The following PHF21B variants were observed in gnomAD, a reference collection of about 807,000 sequenced individuals.
PHF21B encodes the protein PHD finger protein 21B, also known as PHD finger protein 4.
A neutral mutation model predicts 62.2 loss-of-function variants in PHF21B; 22 were observed. That is an observed-to-expected ratio of 0.35 (90% CI 0.25 to 0.51). The LOEUF (loss-of-function observed/expected upper bound fraction) is 0.51. Among genes scored for constraint, PHF21B ranks in the 20% least tolerant of loss-of-function variants. PHF21B has a pLI of 0.97. For missense variants in PHF21B, 701 were observed against 707.9 expected (o/e 0.99, Z 0.11); for synonymous variants, 341 against 314.7 (o/e 1.08, Z -0.88).
intron 2 of PHF21B, among the ~76,000 whole-genome samples, chr22:44,941,111 G>A (rs950309440): frequency 6.6e-6 from 1 of 152,216 alleles, no homozygotes; most frequent in African/African-American, 2.4e-5. Flanking sequence ...TGCTGCGCGT[G>A]CTCACAATGA....
At chr22:44,893,069 C>T (rs1454861984) in intron 7 of PHF21B, among the ~76,000 whole-genome samples, 1 of 152,030 alleles carries the variant, frequency 6.6e-6, no homozygotes, top group Non-Finnish European at 1.5e-5. Context: ...TCTCTCCCAG[C>T]CATGAGCCAA....
At chr22:44,990,397 G>T (rs1468237273) in intron 2 of PHF21B, among the ~76,000 whole-genome samples, 1 of 149,580 alleles carries the variant, frequency 6.7e-6, no homozygotes, top group African/African-American at 2.5e-5. Flanking sequence ...ACAGCCAAGG[G>T]GTGGAAGCAA....
rs61333045 is a variant in PHF21B, at chr22:44,893,106, G to A, written c.960+351C>T. ...TGCACAGGCTCTAGACAAGGTGTGAGGTGGTCCAGGGAGGCCAGGGTGTCC... is the reference window on the plus strand; with the variant it reads ...TGCACAGGCTCTAGACAAGGTGTGAAGTGGTCCAGGGAGGCCAGGGTGTCC... On this transcript the variant is annotated intron_variant, in intron 7 of 12. Transcript: ENST00000313237. Among the ~76,000 whole-genome samples the A allele has an allele frequency of 2.4e-3, 364 of 152,270 alleles. 5 individuals carry two copies. In the East Asian group the frequency reaches 0.04, roughly 17 times the overall value.
intron 2 of PHF21B, among the ~76,000 whole-genome samples, chr22:44,945,106 C>T (rs950414062): frequency 3.9e-5 from 6 of 152,352 alleles, no homozygotes; most frequent in African/African-American, 7.2e-5. Context: ...CTGGTGAAAA[C>T]GAGGTTTGCT....
At chr22:44,917,393 C>A (rs997237877) in intron 3 of PHF21B, among the ~76,000 whole-genome samples, 1 of 152,162 alleles carries the variant, frequency 6.6e-6, no homozygotes, top group Admixed American at 6.5e-5. Flanking sequence ...CCACACCCAG[C>A]AGAGTGTTTC....
intron 2 of PHF21B, among the ~76,000 whole-genome samples, chr22:44,991,494 A>G (rs2073041907): frequency 6.6e-6 from 1 of 152,126 alleles, no homozygotes; most frequent in Non-Finnish European, 1.5e-5. Context: ...AAGGAGGCAG[A>G]GGATCACACA....
chr22:44,982,501 C>CT (rs1243080967), intron 2 of PHF21B, among the ~76,000 whole-genome samples: 2 of 152,150 alleles, frequency 1.3e-5, no homozygotes, highest in African/African-American at 4.8e-5. Context: ...CTGCAGGACT[C>CT]TAAGCCCGTG....
chr22:44,989,230 T>G (rs531423921), intron 2 of PHF21B: 1 of 152,334 alleles, frequency 6.6e-6, no homozygotes, highest in African/African-American at 2.4e-5. Flanking sequence ...TGGATGTTCC[T>G]CAAACCCCGG....
chr22:44,902,262 CACAA>C (rs1187027564), intron 5 of PHF21B: 6 of 237,128 alleles, frequency 2.5e-5, no homozygotes, highest in African/African-American at 1.2e-4. Context: ...CTCTTCGACA[CACAA>C]ACAGAGAAGT....
At chr22:44,941,445 C>T (rs1251170638) in intron 2 of PHF21B, among the ~76,000 whole-genome samples, 2 of 152,228 alleles carry the variant, frequency 1.3e-5, no homozygotes, top group East Asian at 3.9e-4. Context: ...TCCTCCTCCT[C>T]CCCCGAGGCC....
chr22:44,903,567 T>C (rs764359950), intron 5 of PHF21B, among the ~76,000 whole-genome samples: 3 of 152,204 alleles, frequency 2.0e-5, no homozygotes, highest in African/African-American at 7.2e-5. Flanking sequence ...CTCAGCCAAG[T>C]CTTTTTGCCC....
Position 44,916,436 on chromosome 22 carries a change from G to A in PHF21B, c.408C>T (p.Pro136=), listed in dbSNP as rs565159580. The change falls in exon 4 of 13, where the codon CCC becomes CCT. Residue 136 remains proline, a synonymous_variant. Coordinates refer to ENST00000313237, the MANE Select transcript of PHF21B (RefSeq NM_138415.5). ...PGSQPQALAE[P]AALASPLSSA... Reference sequence around the variant, plus strand: ...TGCTCAGCGGAGAGGCGAGGGCGGCGGGCTCGGCGAGGGCCTGGGGCTGGC... The same window carrying A: ...TGCTCAGCGGAGAGGCGAGGGCGGCAGGCTCGGCGAGGGCCTGGGGCTGGC... The A allele has an allele frequency of 4.0e-5, 64 of 1,598,174 alleles. No individual in the cohort carries two copies. The highest frequency in any genetic ancestry group is 6.7e-5 in the East Asian group (3 of 44,744).
intron 2 of PHF21B, among the ~76,000 whole-genome samples, chr22:44,931,995 C>A (rs188571561): frequency 2.0e-3 from 297 of 152,246 alleles, no homozygotes; most frequent in Non-Finnish European, 3.5e-3. Context: ...CTCTAAGCTG[C>A]GTCCCCCAGG....
chr22:44,936,863 T>A (rs1037699813), intron 2 of PHF21B, among the ~76,000 whole-genome samples: 2 of 69,246 alleles, frequency 2.9e-5, no homozygotes, highest in Admixed American at 4.0e-4. Flanking sequence ...GGACATCCAC[T>A]TTCTTTCTTT....
intron 2 of PHF21B, among the ~76,000 whole-genome samples, chr22:44,940,444 C>T (rs1324055288): frequency 2.0e-5 from 3 of 152,222 alleles, no homozygotes; most frequent in Non-Finnish European, 4.4e-5. Flanking sequence ...CACCGCGCAG[C>T]GGGGGCCAAC....
At chr22:44,913,717 T>A in intron 5 of PHF21B, 105 bp downstream of exon 5, 1 of 1,432,492 alleles carries the variant, frequency 7.0e-7, no homozygotes, top group Non-Finnish European at 9.2e-7. Flanking sequence ...GCCCACGGCT[T>A]GTCGGGACCA....
intron 2 of PHF21B, among the ~76,000 whole-genome samples, chr22:44,927,541 C>T (rs897922218): frequency 2.6e-5 from 4 of 152,180 alleles, no homozygotes; most frequent in East Asian, 1.9e-4. Context: ...CCCTCCTCAC[C>T]GCCCTGGGGA....
At chr22:44,952,979 C>T (rs573353497) in intron 2 of PHF21B, among the ~76,000 whole-genome samples, 2 of 150,452 alleles carry the variant, frequency 1.3e-5, no homozygotes, top group African/African-American at 5.0e-5. Context: ...CTAGCTCCTC[C>T]CCATTCCGCA....
intron 5 of PHF21B, among the ~76,000 whole-genome samples, chr22:44,909,317 G>A (rs1394712037): frequency 6.6e-6 from 1 of 152,186 alleles, no homozygotes; most frequent in Non-Finnish European, 1.5e-5. Flanking sequence ...AATATTAAGG[G>A]TGCAGCTGAA....
Sources: gnomAD v4.1 joint callset for allele counts (sites outside exome capture counted in the v4.1 genomes callset) on GRCh38, gnomAD v4.1.1 for gene constraint, MANE v1.5 for transcripts, NCBI Gene and HGNC (gene_info 2026-07-23, HGNC 2026-07-21) for gene names.